The following BSN variants were observed in gnomAD, a reference collection of about 807,000 sequenced individuals.
BSN encodes bassoon presynaptic cytomatrix protein.
In BSN, 57 loss-of-function variants were observed where a neutral mutation model predicts 264.8. The ratio of observed to expected loss-of-function variants is 0.22; its 90% CI spans 0.17 to 0.27. The LOEUF (loss-of-function observed/expected upper bound fraction) is 0.27. Ranked by LOEUF, BSN falls within the 10% of genes least tolerant of loss-of-function variation. The pLI is 1.00. For synonymous variants in BSN, 2,059 were observed against 2,137.3 expected (o/e 0.96, Z 1.01); for missense variants, 4,615 against 5,232.5 (o/e 0.88, Z 3.64).
chr3:49,613,817 G>A (rs940949326), intron 1 of BSN, among the ~76,000 whole-genome samples: 1 of 151,876 alleles, frequency 6.6e-6, no homozygotes, highest in African/African-American at 2.4e-5. Flanking sequence ...TGTAGTTCAA[G>A]TGTAAAGGTC....
intron 1 of BSN, among the ~76,000 whole-genome samples, chr3:49,567,410 T>C (rs1013453429): frequency 1.3e-5 from 2 of 152,244 alleles, no homozygotes; most frequent in Admixed American, 1.3e-4. Context: ...TAGCTTCAAA[T>C]AGCAATTTTT....
At position 49,624,983 on chromosome 3, in the gene BSN, G is replaced by A. The variant is rs1438104628; in HGVS notation, c.233G>A (p.Arg78Gln). Residue 78 changes from arginine (R) to glutamine (Q), a missense_variant, in exon 2 of 12, where the codon CGG (arginine) becomes CAG (glutamine). Physicochemically the swap from Arg to Gln is conservative, Grantham distance 43. Coordinates refer to ENST00000296452, the MANE Select transcript of BSN (RefSeq NM_003458.4). ...TTTCAATGTCATTTCAGCACTTCCCGGAGACTGGACCCCAAGGAACCCCTG... is the reference window on the plus strand; with the variant it reads ...TTTCAATGTCATTTCAGCACTTCCCAGAGACTGGACCCCAAGGAACCCCTG... ...GPGPGPGSTS[R>Q]RLDPKEPLGN... The A allele has an allele frequency of 9.2e-6, 14 of 1,517,370 alleles. No individual in the cohort carries two copies. The highest frequency in any genetic ancestry group is 4.2e-5 in the African/African-American group (3 of 71,182). The allele number at this position is 1,517,370 out of a possible 1,614,324, so 94.0% of individuals were successfully genotyped here. A position where few individuals can be genotyped will look rare whatever the true frequency, so the allele number is the denominator to read the frequency against.
intron 1 of BSN, among the ~76,000 whole-genome samples, chr3:49,589,994 C>T (rs902869946): frequency 2.0e-5 from 3 of 152,018 alleles, no homozygotes; most frequent in Non-Finnish European, 4.4e-5. Flanking sequence ...TGTGCCACCA[C>T]GCCCAGCTAA....
chr3:49,574,063 C>A (rs567887502), intron 1 of BSN, among the ~76,000 whole-genome samples: 1 of 152,214 alleles, frequency 6.6e-6, no homozygotes, highest in East Asian at 1.9e-4. Context: ...AATCCTCTCA[C>A]CTCATCCTCC....
rs1472290262 is a variant in BSN at position 49,667,608 on chromosome 3, C to T, written c.*123C>T. ...TTTCAAGCATCTACAATCTGGCAAACCCTTGGCCCAAAGACTCACCAGGTG... is the reference window on the plus strand; with the variant it reads ...TTTCAAGCATCTACAATCTGGCAAATCCTTGGCCCAAAGACTCACCAGGTG... On this transcript the variant is annotated 3_prime_UTR_variant, in exon 12 of 12. Transcript: ENST00000296452. 6.5e-6 allele frequency: 1 copy of T among 152,740 alleles called. No homozygotes were observed. Among genetic ancestry groups the T allele is most frequent in the East Asian group, 1.9e-4 (1 of 5,188 alleles). 9.5% of individuals were successfully genotyped at this position (152,740 alleles called of 1,614,324 possible). A position where few individuals can be genotyped will look rare whatever the true frequency, so the allele number is the denominator to read the frequency against.
chr3:49,563,695 G>C (rs1306975499), intron 1 of BSN, among the ~76,000 whole-genome samples: 1 of 152,164 alleles, frequency 6.6e-6, no homozygotes, highest in Non-Finnish European at 1.5e-5. Flanking sequence ...GCTTCAGTAG[G>C]TTATATGTTT....
chr3:49,641,563 C>T (rs1415673377), intron 2 of BSN: 1 of 152,074 alleles, frequency 6.6e-6, no homozygotes, highest in Non-Finnish European at 1.5e-5. Context: ...AAAAAGCTAT[C>T]TTCCTTAAGG....
At chr3:49,667,084 A>G (rs1011155944) in intron 11 of BSN, among the ~76,000 whole-genome samples, 8 of 152,190 alleles carry the variant, frequency 5.3e-5, no homozygotes, top group Non-Finnish European at 7.3e-5. Flanking sequence ...GCACAGACAC[A>G]GCTTTGTTCT....
In BSN at chr3:49,574,472, G is replaced by T. The variant is rs145477153; in HGVS notation, c.224+19646G>T. On this transcript the variant is annotated intron_variant, in intron 1 of 11. Transcript: ENST00000296452. ...TTTTTCAGGTGACCATGACACCCCT[G>T]ACCACAGTTGGAGTGCAATGGCGTG... 7.2e-5 allele frequency among the ~76,000 whole-genome samples: 11 copies of T among 151,872 alleles called. 1 individual carries two copies. In the East Asian group the frequency reaches 1.9e-3, roughly 27 times the overall value.
chr3:49,600,123 C>G (rs994553258), intron 1 of BSN, among the ~76,000 whole-genome samples: 3 of 152,068 alleles, frequency 2.0e-5, no homozygotes, highest in African/African-American at 7.2e-5. Context: ...AATGGTGGGT[C>G]GATGATTCCC....
chr3:49,642,407 TG>T lies in BSN; in HGVS notation c.777del (p.Lys260SerfsTer99). ...GCCCACTCCCCGGCCAAACAGCCCC[TG>T]GGGAAGCCAGACCAAGAGAGATCTC... The part of the protein sequence containing the change: ...SPAHSPAKQP[L>X]GKPDQERSRG... On this transcript the variant is annotated frameshift_variant, in exon 3 of 12. Coordinates refer to ENST00000296452, the MANE Select transcript of BSN (RefSeq NM_003458.4). LOFTEE classifies it high-confidence loss of function. This position sits in a 1 kb window ranked among gnomAD's most constrained non-coding sequence, Gnocchi z 7.0. The T allele has an allele frequency of 6.2e-7, 1 of 1,601,630 alleles. No individual in the cohort carries two copies. The highest frequency in any genetic ancestry group is 1.7e-4 in the Middle Eastern group (1 of 6,048).
At chr3:49,633,735 C>G (rs2052399503) in intron 2 of BSN, among the ~76,000 whole-genome samples, 1 of 152,154 alleles carries the variant, frequency 6.6e-6, no homozygotes, top group South Asian at 2.1e-4. Context: ...TACATACACA[C>G]AACGAAATAT....
chr3:49,600,611 G>T (rs1396819904), intron 1 of BSN, among the ~76,000 whole-genome samples: 1 of 151,990 alleles, frequency 6.6e-6, no homozygotes, highest in East Asian at 1.9e-4. Context: ...AGGCAACACA[G>T]TAAGACCCTG....
intron 1 of BSN, among the ~76,000 whole-genome samples, chr3:49,605,856 AT>A (rs1477141849): frequency 3.0e-4 from 26 of 87,136 alleles, no homozygotes; most frequent in Admixed American, 1.3e-3. Flanking sequence ...TTTATATATA[AT>A]ATATTTATAT....
At chr3:49,608,892 G>T (rs900063973) in intron 1 of BSN, among the ~76,000 whole-genome samples, 26 of 151,730 alleles carry the variant, frequency 1.7e-4, no homozygotes, top group African/African-American at 6.3e-4. Flanking sequence ...AGCCCTGTCT[G>T]GGCATTTAGC....
At chr3:49,637,211 G>A (rs2052426159) in intron 2 of BSN, among the ~76,000 whole-genome samples, 1 of 152,218 alleles carries the variant, frequency 6.6e-6, no homozygotes, top group Admixed American at 6.5e-5. Flanking sequence ...AGAAGGCTGA[G>A]TGACGTCTGC....
Position 49,642,276 on chromosome 3 carries a change from G to A in BSN, c.642G>A (p.Glu214=), listed in dbSNP as rs960669291. The A allele has an allele frequency of 6.5e-7, 1 of 1,533,528 alleles. No homozygotes were observed. The highest frequency in any genetic ancestry group is 1.3e-5 in the South Asian group (1 of 77,934). The allele number at this position is 1,533,528 out of a possible 1,614,324, so 95.0% of individuals were successfully genotyped here. A position where few individuals can be genotyped will look rare whatever the true frequency, so the allele number is the denominator to read the frequency against. Residue 214 remains glutamate (E), a synonymous_variant, in exon 3 of 12, where the codon GAG becomes GAA. Coordinates refer to ENST00000296452, the MANE Select transcript of BSN (RefSeq NM_003458.4). This position sits in a 1 kb window ranked among gnomAD's most constrained non-coding sequence, Gnocchi z 7.0. ...TTTGCTTTTCTCCTCAGGTGAAGGA[G>A]TGGCTCTGTCTGAACTGTCAGATGC... The part of the protein sequence containing the change: ...NPNPHLTQVK[E]WLCLNCQMQR...
In BSN at chr3:49,602,424, T is replaced by C. The variant is rs529245389; in HGVS notation, c.225-22551T>C. 1.3e-3 allele frequency among the ~76,000 whole-genome samples: 197 copies of C among 151,818 alleles called. 1 individual carries two copies. Among genetic ancestry groups the C allele is most frequent in the Non-Finnish European group, 2.4e-3 (162 of 67,962 alleles). On this transcript the variant is annotated intron_variant, in intron 1 of 11. Coordinates refer to ENST00000296452, the MANE Select transcript of BSN (RefSeq NM_003458.4). ...TTGCTCTGCCTTGCTCTGCCTTATA[T>C]GTGTCACTTCCTCTCTTTAAATTTT...
At chr3:49,577,755 G>A (rs1316569323) in intron 1 of BSN, among the ~76,000 whole-genome samples, 1 of 151,870 alleles carries the variant, frequency 6.6e-6, no homozygotes, top group East Asian at 1.9e-4. Flanking sequence ...GCCCAGGCTG[G>A]TCTCAAACTC....
Sources: allele counts gnomAD v4.1 joint callset (sites outside exome capture counted in the v4.1 genomes callset), GRCh38; gene constraint gnomAD v4.1.1; non-coding constraint Gnocchi (gnomAD v3.1); transcripts MANE v1.5; gene names NCBI Gene and HGNC (gene_info 2026-07-23, HGNC 2026-07-21).